The following ABR variants were observed in gnomAD, a reference collection of about 807,000 sequenced individuals.
ABR encodes ABR activator of RhoGEF and GTPase, also known as active breakpoint cluster region-related protein.
In ABR, 35 loss-of-function variants were observed where a neutral mutation model predicts 107.2. The ratio of observed to expected loss-of-function variants is 0.33; its 90% CI spans 0.25 to 0.43. The LOEUF (loss-of-function observed/expected upper bound fraction) is 0.43, where lower values mean the gene tolerates loss of function less well. Among genes scored for constraint, ABR ranks in the 20% least tolerant of loss-of-function variants. The pLI is 1.00. For synonymous variants in ABR, 498 were observed against 462.0 expected (o/e 1.08, Z -1.00); for missense variants, 815 against 1,115.2 (o/e 0.73, Z 3.83).
rs2070452400 is a variant in ABR at position 1,010,632 on chromosome 17, G to A, written c.2236+97C>T. 9.9e-6 allele frequency: 15 copies of A among 1,521,216 alleles called. No homozygotes were observed. The South Asian group carries it at 1.8e-4, about 19-fold the overall frequency. The allele number at this position is 1,521,216 out of a possible 1,614,324, so 94.2% of individuals were successfully genotyped here. A position where few individuals can be genotyped will look rare whatever the true frequency, so the allele number is the denominator to read the frequency against. ...TGCACTGGGAAGGTCAGCCAGCAAA[G>A]GAAGCCACAGATATTTCTCCTGCTG... On this transcript the variant is annotated intron_variant, in intron 20 of 22. Transcript: ENST00000302538. The surrounding 1 kb of genome is among the most constrained non-coding windows in gnomAD (Gnocchi z 4.1).
rs930250038 is a variant in ABR at position 1,157,547 on chromosome 17, G to A, written c.61+22120C>T. Among the ~76,000 whole-genome samples the A allele has an allele frequency of 1.3e-5, 2 of 151,974 alleles. No individual in the cohort carries two copies. The highest frequency in any genetic ancestry group is 2.4e-5 in the African/African-American group (1 of 41,380). ...ATTACAGGCGTGAGCCACCGCGCCCGACCTCAGTGCACACAGTTCTAACAT... is the reference window on the plus strand; with the variant it reads ...ATTACAGGCGTGAGCCACCGCGCCCAACCTCAGTGCACACAGTTCTAACAT... On this transcript the variant is annotated intron_variant, in intron 1 of 22. Coordinates refer to ENST00000302538, the MANE Select transcript of ABR (RefSeq NM_021962.5). The surrounding 1 kb of genome is among the most constrained non-coding windows in gnomAD (Gnocchi z 4.7).
intron 1 of ABR, among the ~76,000 whole-genome samples, chr17:1,212,669 C>A (rs2042924884): frequency 6.6e-6 from 1 of 152,158 alleles, no homozygotes; most frequent in Non-Finnish European, 1.5e-5. Context: ...GCCAGCAGAT[C>A]ACCTGAGGTC....
At chr17:1,147,823 G>A (rs1056302463) in intron 1 of ABR, among the ~76,000 whole-genome samples, 1 of 152,160 alleles carries the variant, frequency 6.6e-6, no homozygotes. Flanking sequence ...ACCCACGCCA[G>A]CCTCATGGCA....
intron 1 of ABR, among the ~76,000 whole-genome samples, chr17:1,141,390 G>A (rs977960579): frequency 6.6e-6 from 1 of 152,162 alleles, no homozygotes; most frequent in Non-Finnish European, 1.5e-5. Flanking sequence ...TTAGCACTTC[G>A]GGAATGTGAC....
At chr17:1,160,128 G>T (rs930711193) in intron 1 of ABR, among the ~76,000 whole-genome samples, 2 of 152,018 alleles carry the variant, frequency 1.3e-5, no homozygotes, top group African/African-American at 2.4e-5. Context: ...TGGGGTCTAG[G>T]GCCGCTGTAC....
intron 1 of ABR, among the ~76,000 whole-genome samples, chr17:1,220,715 T>G (rs2043104920): frequency 6.6e-6 from 1 of 152,122 alleles, no homozygotes; most frequent in Non-Finnish European, 1.5e-5. Context: ...CAGAACAAGC[T>G]AAAAACGAAC....
intron 16 of ABR, among the ~76,000 whole-genome samples, chr17:1,039,083 C>T (rs148262943): frequency 6.6e-6 from 1 of 152,332 alleles, no homozygotes; most frequent in East Asian, 1.9e-4. Context: ...GGGAGCCCGG[C>T]ACCCAGAGCT....
chr17:1,079,223 TCACACACACG>T, intron 6 of ABR, 97 bp downstream of exon 6: 1 of 1,517,110 alleles, frequency 6.6e-7, no homozygotes, highest in Non-Finnish European at 8.9e-7. Flanking sequence ...TCACACGCGC[TCACACACACG>T]CACACACAAG....
intron 9 of ABR, among the ~76,000 whole-genome samples, chr17:1,068,845 C>A (rs1293828111): frequency 6.6e-6 from 1 of 152,224 alleles, no homozygotes; most frequent in Admixed American, 6.5e-5. Flanking sequence ...ACTCCTCTCT[C>A]ATCTATGATT....
intron 1 of ABR, among the ~76,000 whole-genome samples, chr17:1,135,800 C>T (rs989310740): frequency 1.3e-5 from 2 of 152,032 alleles, no homozygotes; most frequent in East Asian, 1.9e-4. Flanking sequence ...CACTTGAACC[C>T]GGGAGGCGGA....
rs2040940439 is a variant in ABR at position 1,154,067 on chromosome 17, G to A, written c.61+25600C>T. ...AGGACCAACGAAGAGGGAGGAGGTG[G>A]GCACGCAGCCCACAGAAATCTCAGC... is the stretch of plus-strand genomic sequence containing the variant. On this transcript the variant is annotated intron_variant, in intron 1 of 22. Transcript: ENST00000302538. This position sits in a 1 kb window ranked among gnomAD's most constrained non-coding sequence, Gnocchi z 4.0. The A allele has an allele frequency of 6.5e-6, 1 of 154,264 alleles. No homozygotes were observed. Among genetic ancestry groups the A allele is most frequent in the Non-Finnish European group, 1.4e-5 (1 of 69,476 alleles). The allele number at this position is 154,264 out of a possible 1,614,324, so 9.6% of individuals were successfully genotyped here.
In ABR at chr17:1,083,610, C is replaced by T. The variant is rs777915634; in HGVS notation, c.549G>A (p.Val183=). ...TATAGTTATCGACAAACGCTTTGTA[C>T]ACACCGAGCTGGCTGGCCTGCAGGG... ...LFQKLASQLG[V]YKAFVDNYKV... The change falls in exon 5 of 23, where the codon GTG becomes GTA. Residue 183 remains valine, a synonymous_variant. Coordinates refer to ENST00000302538, the MANE Select transcript of ABR (RefSeq NM_021962.5). The T allele has an allele frequency of 6.2e-7, 1 of 1,613,522 alleles. No individual in the cohort carries two copies.
At chr17:1,186,166 G>A (rs537441226) in intron 1 of ABR, among the ~76,000 whole-genome samples, 2 of 152,262 alleles carry the variant, frequency 1.3e-5, no homozygotes, top group Admixed American at 1.3e-4. Flanking sequence ...TTCATCCTCA[G>A]CCCTCCAGTC....
Position 1,084,896 on chromosome 17 carries a change from G to A in ABR, c.532-1269C>T, listed in dbSNP as rs149610608. Among the ~76,000 whole-genome samples the A allele has an allele frequency of 0.033, 5,030 of 151,394 alleles. 132 individuals carry two copies. Among genetic ancestry groups the A allele is most frequent in the Non-Finnish European group, 0.056 (3,786 of 67,960 alleles). On this transcript the variant is annotated intron_variant, in intron 4 of 22. Coordinates refer to ENST00000302538, the MANE Select transcript of ABR (RefSeq NM_021962.5). The surrounding 1 kb of genome is among the most constrained non-coding windows in gnomAD (Gnocchi z 4.2). ...CGATCTCGGCTCACCGCAACCTCCCGGATTCAAGGGATTCTCCTGCCTCAG... is the reference window on the plus strand; with the variant it reads ...CGATCTCGGCTCACCGCAACCTCCCAGATTCAAGGGATTCTCCTGCCTCAG...
At chr17:1,186,825 A>C (rs561773210) in exon 1 of ABR, 1 of 152,302 alleles carries the variant, frequency 6.6e-6, no homozygotes, top group Non-Finnish European at 1.5e-5. Context: ...AGCATTCAGA[A>C]AGACGCCAGC....
chr17:1,111,807 G>A (rs554480151), intron 2 of ABR, among the ~76,000 whole-genome samples: 4 of 152,232 alleles, frequency 2.6e-5, no homozygotes, highest in East Asian at 1.9e-4. Flanking sequence ...GTGGTGGCCC[G>A]CTGCCAGCTG....
rs1304384646 is a variant in ABR at position 1,010,806 on chromosome 17, G to A, written c.2159C>T (p.Thr720Met). The change falls in exon 20 of 23, where the codon ACG becomes ATG. Residue 720 changes from threonine (T) to methionine (M), a missense_variant. This residue lies in a region of ABR where 175 missense variants were observed against 284.3 expected (regional missense o/e 0.62). Transcript: ENST00000302538. The surrounding 1 kb of genome is among the most constrained non-coding windows in gnomAD (Gnocchi z 4.1). ...SDMDINAIAGTLKLYFRELPE... is the reference protein window; with the variant it reads ...SDMDINAIAGMLKLYFRELPE... ...CAGTTCCCGGAAGTACAGCTTGAGC[G>A]TCCCGGCGATGGCGTTGATGTCCAT... The A allele has an allele frequency of 1.9e-6, 3 of 1,613,778 alleles. No individual in the cohort carries two copies. The highest frequency in any genetic ancestry group is 1.3e-5 in the African/African-American group (1 of 74,918).
At chr17:1,220,831 G>A (rs547172325) in intron 1 of ABR, among the ~76,000 whole-genome samples, 19 of 152,182 alleles carry the variant, frequency 1.2e-4, no homozygotes, top group African/African-American at 3.6e-4. Context: ...GGAACTTATC[G>A]AGTGCCGGCC....
At chr17:1,119,753 G>C (rs1458261768) in intron 2 of ABR, among the ~76,000 whole-genome samples, 1 of 152,262 alleles carries the variant, frequency 6.6e-6, no homozygotes, top group African/African-American at 2.4e-5. Context: ...GCGGCGGGGT[G>C]GGTGTGAAAG....
Sources: allele counts gnomAD v4.1 joint callset (sites outside exome capture counted in the v4.1 genomes callset), GRCh38; gene constraint gnomAD v4.1.1; regional missense constraint gnomAD v4.1.1; non-coding constraint Gnocchi (gnomAD v3.1); transcripts MANE v1.5; gene names NCBI Gene and HGNC (gene_info 2026-07-23, HGNC 2026-07-21).